Variants in SIPA1L1 observed in about 807,000 individuals in gnomAD.
SIPA1L1 encodes signal induced proliferation associated 1 like 1.
A neutral mutation model predicts 162.7 loss-of-function variants in SIPA1L1; 26 were observed. The observed-to-expected ratio is 0.16, with a 90% CI of 0.12 to 0.22. The LOEUF (loss-of-function observed/expected upper bound fraction) is 0.22. Among genes scored for constraint, SIPA1L1 ranks in the 10% least tolerant of loss-of-function variants. SIPA1L1 has a pLI of 1.00. For synonymous variants in SIPA1L1, 829 were observed against 837.4 expected, an observed-to-expected ratio of 0.99 and a Z score of 0.17; for missense variants, 1,874 against 2,241.0, an observed-to-expected ratio of 0.84 and a Z score of 3.31.
At chr14:71,457,828 C>G (rs2046302877) in intron 2 of SIPA1L1, among the ~76,000 whole-genome samples, 1 of 151,426 alleles carries the variant, frequency 6.6e-6, no homozygotes, top group Non-Finnish European at 1.5e-5. Flanking sequence ...AACTCCTGAC[C>G]TCAGGTGGTC....
At chr14:71,675,453 C>T (rs955419183) in intron 12 of SIPA1L1, among the ~76,000 whole-genome samples, 5 of 152,198 alleles carry the variant, frequency 3.3e-5, no homozygotes, top group Admixed American at 2.6e-4. Flanking sequence ...CAGACCTGGG[C>T]AGGGCAGGTG....
chr14:71,700,800 C>T (rs1478911158), intron 14 of SIPA1L1, among the ~76,000 whole-genome samples: 2 of 151,942 alleles, frequency 1.3e-5, no homozygotes, highest in Admixed American at 1.3e-4. Context: ...CAAGATCATC[C>T]TGGCTAACAT....
intron 2 of SIPA1L1, among the ~76,000 whole-genome samples, chr14:71,364,430 G>A (rs543208916): frequency 2.4e-4 from 36 of 152,028 alleles, no homozygotes; most frequent in African/African-American, 8.0e-4. Context: ...CATGACTGTC[G>A]TATAAATGGA....
At chr14:71,436,052 T>G (rs1391214609) in intron 2 of SIPA1L1, among the ~76,000 whole-genome samples, 2 of 152,224 alleles carry the variant, frequency 1.3e-5, no homozygotes, top group Admixed American at 1.3e-4. Flanking sequence ...AAATGGAATT[T>G]TATCACTATT....
intron 2 of SIPA1L1, among the ~76,000 whole-genome samples, chr14:71,403,704 T>C (rs1031610751): frequency 3.3e-5 from 5 of 151,994 alleles, no homozygotes; most frequent in African/African-American, 1.2e-4. Flanking sequence ...TGTTAGATCA[T>C]AGAAGCAGTA....
chr14:71,356,161 A>G (rs1033890942), intron 2 of SIPA1L1, among the ~76,000 whole-genome samples: 2 of 152,098 alleles, frequency 1.3e-5, no homozygotes, highest in Admixed American at 1.3e-4. Context: ...CCCATGTGGT[A>G]TGTCTGGTTG....
chr14:71,610,855 A>G (rs1309270111), intron 5 of SIPA1L1, among the ~76,000 whole-genome samples: 2 of 152,230 alleles, frequency 1.3e-5, no homozygotes, highest in African/African-American at 4.8e-5. Context: ...TAATCTTGGC[A>G]AATACATCAC....
chr14:71,386,164 G>A (rs1276415998), intron 2 of SIPA1L1, among the ~76,000 whole-genome samples: 3 of 152,180 alleles, frequency 2.0e-5, no homozygotes, highest in South Asian at 4.1e-4. Flanking sequence ...TAGGATAGAT[G>A]TATATATAAA....
intron 2 of SIPA1L1, among the ~76,000 whole-genome samples, chr14:71,425,829 A>G (rs1029391069): frequency 2.1e-5 from 3 of 146,076 alleles, no homozygotes; most frequent in East Asian, 2.0e-4. Context: ...AGAATGGTCT[A>G]TTTCTCTCTT....
intron 2 of SIPA1L1, among the ~76,000 whole-genome samples, chr14:71,399,355 A>G (rs574164806): frequency 3.9e-5 from 6 of 152,312 alleles, no homozygotes; most frequent in Admixed American, 2.6e-4. Context: ...GCACCATACA[A>G]ATGTGGGCTC....
At position 71,689,260 on chromosome 14, in the gene SIPA1L1, A is replaced by G. The variant is rs3784059; in HGVS notation, c.3374+3629A>G. The stretch of plus-strand genomic sequence containing the variant: ...AGAGAAACTGACACAGTAAGAATTG[A>G]TAATCCATTTGGCATCTAAATAGAA... On this transcript the variant is annotated intron_variant, in intron 13 of 23. Coordinates refer to ENST00000381232, the MANE Select transcript of SIPA1L1 (RefSeq NM_001386936.1). Among the ~76,000 whole-genome samples the G allele has an allele frequency of 8.1e-3, 1,240 of 152,348 alleles. 44 individuals carry two copies. The highest frequency in any genetic ancestry group is 0.062 in the Admixed American group (944 of 15,300).
chr14:71,552,106 G>A (rs969141185), intron 4 of SIPA1L1, among the ~76,000 whole-genome samples: 3 of 152,016 alleles, frequency 2.0e-5, no homozygotes, highest in Non-Finnish European at 2.9e-5. Flanking sequence ...TGCTGTACCC[G>A]CCATCCTTTC....
intron 17 of SIPA1L1, among the ~76,000 whole-genome samples, chr14:71,718,936 T>C (rs80266889): frequency 7.9e-5 from 12 of 152,012 alleles, no homozygotes; most frequent in East Asian, 3.9e-4. Flanking sequence ...CTTTTTTTTT[T>C]CCTCTTCTTT....
chr14:71,392,109 G>A (rs1401741385), intron 2 of SIPA1L1, among the ~76,000 whole-genome samples: 2 of 152,210 alleles, frequency 1.3e-5, no homozygotes, highest in Non-Finnish European at 2.9e-5. Flanking sequence ...CCAAGCAAGA[G>A]GAAGCCAGAG....
chr14:71,404,894 G>C (rs970801498), intron 2 of SIPA1L1, among the ~76,000 whole-genome samples: 3 of 152,198 alleles, frequency 2.0e-5, no homozygotes, highest in Non-Finnish European at 2.9e-5. Context: ...GTGTCATGCT[G>C]CTTTCCCATA....
At chr14:71,679,165 AG>A (rs2045531579) in intron 12 of SIPA1L1, among the ~76,000 whole-genome samples, 1 of 152,200 alleles carries the variant, frequency 6.6e-6, no homozygotes, top group African/African-American at 2.4e-5. Flanking sequence ...TGAAGGAAAA[AG>A]TGTTAAGGGC....
chr14:71,719,516 A>G (rs889742454), intron 17 of SIPA1L1, among the ~76,000 whole-genome samples: 2 of 151,996 alleles, frequency 1.3e-5, no homozygotes, highest in Admixed American at 6.6e-5. Context: ...TTTAATTTAC[A>G]TTTTCCTAGT....
At position 71,661,346 on chromosome 14, in the gene SIPA1L1, A is replaced by T. The variant is rs771625604; in HGVS notation, c.2134A>T (p.Thr712Ser). The T allele has an allele frequency of 5.0e-6, 8 of 1,613,948 alleles. No homozygotes were observed. The highest frequency in any genetic ancestry group is 6.8e-6 in the Non-Finnish European group (8 of 1,179,960). Residue 712 changes from threonine (T) to serine (S), a missense_variant, in exon 10 of 24, where the codon ACA becomes TCA. This residue lies in a region of SIPA1L1 where 243 missense variants were observed against 315.0 expected (regional missense o/e 0.77). Coordinates refer to ENST00000381232, the MANE Select transcript of SIPA1L1 (RefSeq NM_001386936.1). ...RKRHIGNDIVTIVFQEPGAQP... is the reference protein window; with the variant it reads ...RKRHIGNDIVSIVFQEPGAQP... ...GCGGCACATTGGAAATGATATCGTAACAATTGTTTTCCAAGAGCCTGGAGC... is the reference window on the plus strand; with the variant it reads ...GCGGCACATTGGAAATGATATCGTATCAATTGTTTTCCAAGAGCCTGGAGC...
At chr14:71,473,160 A>T (rs1257004159) in intron 2 of SIPA1L1, among the ~76,000 whole-genome samples, 1 of 152,168 alleles carries the variant, frequency 6.6e-6, no homozygotes, top group Non-Finnish European at 1.5e-5. Flanking sequence ...GAGACCATGA[A>T]TGAAAACAGT....
Sources: allele counts gnomAD v4.1 joint callset (sites outside exome capture counted in the v4.1 genomes callset), GRCh38; gene constraint gnomAD v4.1.1; regional missense constraint gnomAD v4.1.1; transcripts MANE v1.5; gene names NCBI Gene and HGNC (gene_info 2026-07-23, HGNC 2026-07-21).